PIK3C2G: variants seen among roughly 807,000 people sequenced by gnomAD.
The protein encoded by PIK3C2G is phosphatidylinositol-4-phosphate 3-kinase catalytic subunit type 2 gamma, also known as phosphatidylinositol 3-kinase C2 domain-containing subunit gamma.
Under a neutral mutation model 181.1 loss-of-function variants are expected in PIK3C2G, and 168 were observed. The ratio of observed to expected loss-of-function variants is 0.93; its 90% CI spans 0.82 to 1.05. The LOEUF (loss-of-function observed/expected upper bound fraction) is 1.05, where lower values mean the gene tolerates loss of function less well. Ranked by LOEUF, PIK3C2G falls within the 50% of genes least tolerant of loss-of-function variation. PIK3C2G has a pLI of 0.00. For synonymous variants in PIK3C2G, 573 were observed against 592.2 expected, an observed-to-expected ratio of 0.97 and a Z score of 0.47; for missense variants, 1,869 against 1,732.8, an observed-to-expected ratio of 1.08 and a Z score of -1.40.
intron 29 of PIK3C2G, among the ~76,000 whole-genome samples, chr12:18,582,720 G>C (rs1946566896): frequency 6.6e-6 from 1 of 152,160 alleles, no homozygotes; most frequent in Non-Finnish European, 1.5e-5. Flanking sequence ...CTCCCAGAGG[G>C]AGGGGTGGGC....
intron 31 of PIK3C2G, among the ~76,000 whole-genome samples, chr12:18,620,016 G>T (rs564983287): frequency 2.0e-5 from 3 of 152,110 alleles, no homozygotes; most frequent in African/African-American, 7.2e-5. Flanking sequence ...GAGCCACCGC[G>T]TCCAGCCCCT....
chr12:18,471,902 G>T (rs1370300233), intron 18 of PIK3C2G, among the ~76,000 whole-genome samples: 6 of 151,914 alleles, frequency 3.9e-5, no homozygotes, highest in African/African-American at 7.3e-5. Context: ...TTAAACTTTG[G>T]ATATTAATTA....
chr12:18,389,503 T>A (rs181353178), intron 14 of PIK3C2G, among the ~76,000 whole-genome samples: 23 of 152,350 alleles, frequency 1.5e-4, no homozygotes, highest in Admixed American at 5.2e-4. Context: ...TTCCCTATTT[T>A]AATTGTTAAT....
intron 14 of PIK3C2G, among the ~76,000 whole-genome samples, chr12:18,390,663 A>G (rs1388497290): frequency 6.6e-6 from 1 of 152,146 alleles, no homozygotes; most frequent in Non-Finnish European, 1.5e-5. Context: ...CAGACTTGCA[A>G]ATTTCATGAA....
rs992787488 is a variant in PIK3C2G at position 18,272,575 on chromosome 12, T to A, written c.-78-9429T>A. Among the ~76,000 whole-genome samples the A allele has an allele frequency of 3.3e-5, 5 of 152,232 alleles. No homozygotes were observed. The East Asian group carries it at 9.6e-4, about 29-fold the overall frequency. On this transcript the variant is annotated intron_variant, in intron 1 of 32. Transcript: ENST00000538779. ...CCTCATCTATTACTTAGTTATCCAG[T>A]GACAGCTTTATTTTAACAATGACAA...
At chr12:18,708,653 G>A in the PIK3C2G span, among the ~76,000 whole-genome samples, 3 of 151,914 alleles carry the variant, frequency 2.0e-5, no homozygotes, top group South Asian at 4.2e-4. Context: ...TTTTTGCCAC[G>A]CCCTCGCCAA....
At chr12:18,529,089 C>T (rs1176613323) in intron 24 of PIK3C2G, among the ~76,000 whole-genome samples, 1 of 144,104 alleles carries the variant, frequency 6.9e-6, no homozygotes, top group Non-Finnish European at 1.5e-5. Context: ...CTCGATAATC[C>T]CAACACAGCC....
chr12:18,543,236 T>G (rs1360546589), intron 25 of PIK3C2G, among the ~76,000 whole-genome samples: 1 of 152,000 alleles, frequency 6.6e-6, no homozygotes, highest in Non-Finnish European at 1.5e-5. Flanking sequence ...TTTAATGGGT[T>G]TTTTTGTTTT....
intron 30 of PIK3C2G, among the ~76,000 whole-genome samples, chr12:18,596,816 G>A (rs1289351478): frequency 6.6e-6 from 1 of 152,052 alleles, no homozygotes; most frequent in East Asian, 1.9e-4. Context: ...GCAGAGCCCA[G>A]ATCAATTATC....
the PIK3C2G span, among the ~76,000 whole-genome samples, chr12:18,653,482 A>T: frequency 1.6e-3 from 247 of 152,300 alleles, no homozygotes; most frequent in African/African-American, 5.7e-3. Context: ...TGAATTCAAA[A>T]TGTGTTACAA....
In PIK3C2G at chr12:18,514,889, A is replaced by G. The variant is rs1233806484; in HGVS notation, c.3323+9428A>G. On this transcript the variant is annotated intron_variant, in intron 24 of 32. Coordinates refer to ENST00000538779, the MANE Select transcript of PIK3C2G (RefSeq NM_001288772.2). The stretch of plus-strand genomic sequence containing the variant: ...GATGTTAGCTGTGGGTTTGTCATAT[A>G]TTGACTTTATAATGAGTATTTTCCT... Among the ~76,000 whole-genome samples, 9 of 151,912 alleles carry G rather than the reference A, an allele frequency of 5.9e-5. No individual in the cohort carries two copies. The East Asian group carries it at 1.5e-3, about 26-fold the overall frequency.
intron 26 of PIK3C2G, among the ~76,000 whole-genome samples, chr12:18,551,318 CA>C (rs1944718253): frequency 6.6e-6 from 1 of 151,992 alleles, no homozygotes; most frequent in Non-Finnish European, 1.5e-5. Flanking sequence ...AAATGTTGTC[CA>C]AAAGGGTTAT....
chr12:18,439,119 A>G (rs1040003188), intron 18 of PIK3C2G, among the ~76,000 whole-genome samples: 5 of 151,930 alleles, frequency 3.3e-5, no homozygotes, highest in African/African-American at 9.7e-5. Flanking sequence ...TAAGTTTAAT[A>G]ACAGAGTTTG....
chr12:18,337,090 C>T lies in PIK3C2G; in HGVS notation c.1273-1336C>T, dbSNP rs111263020. On this transcript the variant is annotated intron_variant, in intron 8 of 32. Transcript: ENST00000538779. The stretch of plus-strand genomic sequence containing the variant: ...CTATTGTAATTCTCCATTGGAAGGA[C>T]GGTGGTGCTGGTGACAAAACTGATG... Among the ~76,000 whole-genome samples, 1,454 of 152,110 alleles carry T rather than the reference C, an allele frequency of 9.6e-3. 25 individuals are homozygous for T. The highest frequency in any genetic ancestry group is 0.034 in the African/African-American group (1,399 of 41,506).
At chr12:18,720,357 A>G in the PIK3C2G span, among the ~76,000 whole-genome samples, 1 of 151,754 alleles carries the variant, frequency 6.6e-6, no homozygotes, top group Non-Finnish European at 1.5e-5. Flanking sequence ...AAATATATAC[A>G]CATTTCTGTA....
intron 18 of PIK3C2G, among the ~76,000 whole-genome samples, chr12:18,459,670 T>A (rs929842756): frequency 2.0e-5 from 3 of 152,196 alleles, no homozygotes; most frequent in Admixed American, 6.5e-5. Context: ...TATGCCTAAA[T>A]TGAATGGACA....
intron 18 of PIK3C2G, among the ~76,000 whole-genome samples, chr12:18,465,154 T>A (rs1937722038): frequency 6.6e-6 from 1 of 151,898 alleles, no homozygotes; most frequent in African/African-American, 2.4e-5. Flanking sequence ...AATACCTCAG[T>A]CAAAAAACAT....
At chr12:18,255,224 TAAATAAATAAA>T (rs1351466092) in intron 1 of PIK3C2G, among the ~76,000 whole-genome samples, 2 of 108,854 alleles carry the variant, frequency 1.8e-5, no homozygotes, top group African/African-American at 5.7e-5. Context: ...CAAAAATAAA[TAAATAAATAAA>T]TAAATAAATA....
intron 7 of PIK3C2G, 101 bp downstream of exon 7, chr12:18,321,133 G>A: frequency 1.5e-6 from 1 of 659,634 alleles, no homozygotes; most frequent in South Asian, 1.9e-5. Context: ...TCCATTCACT[G>A]GGACTGTGGA....
Sources: allele counts gnomAD v4.1 joint callset (sites outside exome capture counted in the v4.1 genomes callset), GRCh38; gene constraint gnomAD v4.1.1; transcripts MANE v1.5; gene names NCBI Gene and HGNC (gene_info 2026-07-23, HGNC 2026-07-21).